Variants in PALD1 observed in about 807,000 individuals in gnomAD.
The protein encoded by PALD1 is paladin.
PALD1 carries 57 observed loss-of-function variants against 96.0 expected under a neutral mutation model. The ratio of observed to expected loss-of-function variants is 0.59; its 90% CI spans 0.48 to 0.74. The LOEUF is 0.74. PALD1 is among the 30% of genes least tolerant of loss of function. The pLI is 0.00. For missense variants in PALD1, 1,063 were observed against 1,143.7 expected, an observed-to-expected ratio of 0.93 and a Z score of 1.02; for synonymous variants, 464 against 473.6, an observed-to-expected ratio of 0.98 and a Z score of 0.26.
chr10:70,553,262 G>T (rs1281416961), intron 18 of PALD1, among the ~76,000 whole-genome samples: 1 of 152,222 alleles, frequency 6.6e-6, no homozygotes, highest in Non-Finnish European at 1.5e-5. Context: ...TTCCATGTTT[G>T]CTGTTTCCTT....
chr10:70,532,540 C>T, intron 5 of PALD1, 81 bp from the exon 6 acceptor site: 3 of 1,435,214 alleles, frequency 2.1e-6, no homozygotes, highest in Non-Finnish European at 2.9e-6. Context: ...ATGGTCTGGT[C>T]ACTCCAGAGC....
the PALD1 span, among the ~76,000 whole-genome samples, chr10:70,473,565 G>A: frequency 6.6e-6 from 1 of 152,274 alleles, no homozygotes; most frequent in African/African-American, 2.4e-5. Context: ...CATGAAGGCA[G>A]GAACTTGTCT....
intron 18 of PALD1, among the ~76,000 whole-genome samples, chr10:70,563,239 C>T (rs1259014067): frequency 2.6e-5 from 4 of 152,140 alleles, no homozygotes; most frequent in Non-Finnish European, 5.9e-5. Flanking sequence ...TAGATCCAGC[C>T]CAGCTCCCCG....
At position 70,540,294 on chromosome 10, in the gene PALD1, T is replaced by C. The variant is rs1847215540; in HGVS notation, c.1908+532T>C. On this transcript the variant is annotated intron_variant, in intron 15 of 19. Coordinates refer to ENST00000263563, the MANE Select transcript of PALD1 (RefSeq NM_014431.3). This position sits in a 1 kb window ranked among gnomAD's most constrained non-coding sequence, Gnocchi z 4.2. ...GTGGGTGGTGTGTGGAATGTGTGTG[T>C]GTGTGCATGTCTTTTTATGGAGTTT... 6.6e-6 allele frequency among the ~76,000 whole-genome samples: 1 copy of C among 151,862 alleles called. No individual in the cohort carries two copies. The highest frequency in any genetic ancestry group is 1.5e-5 in the Non-Finnish European group (1 of 67,890).
intron 1 of PALD1, among the ~76,000 whole-genome samples, chr10:70,489,926 T>G (rs545302691): frequency 6.6e-6 from 1 of 152,190 alleles, no homozygotes; most frequent in East Asian, 1.9e-4. Context: ...TCCCTCTCTC[T>G]CTCTTTTTTT....
chr10:70,518,750 G>A (rs1480344376), intron 1 of PALD1, among the ~76,000 whole-genome samples: 1 of 152,190 alleles, frequency 6.6e-6, no homozygotes, highest in Non-Finnish European at 1.5e-5. Flanking sequence ...CCCTCCTGGT[G>A]TACCCCTCTC....
rs1466992885 is a variant in PALD1 at position 70,566,723 on chromosome 10, A to T, written c.2561A>T (p.Asp854Val). The change falls in exon 20 of 20, where the codon GAC becomes GTC. Residue 854 changes from aspartate to valine, a missense_variant. Physicochemically the swap from Asp to Val is radical, Grantham distance 152. Transcript: ENST00000263563. ...AGCCTCGAGCCCTCTGCCCCCGAGG[A>T]CTTGCTGTAGGGGGCCTTACTCCCT... is the stretch of plus-strand genomic sequence containing the variant. Reference protein sequence around the residue: ...SCSLEPSAPEDLL With the variant: ...SCSLEPSAPEVLL The T allele has an allele frequency of 6.3e-7, 1 of 1,595,446 alleles. No homozygotes were observed. Among genetic ancestry groups the T allele is most frequent in the East Asian group, 2.3e-5 (1 of 44,422 alleles).
chr10:70,526,360 C>A (rs1846867591), intron 2 of PALD1, among the ~76,000 whole-genome samples: 1 of 151,976 alleles, frequency 6.6e-6, no homozygotes, highest in South Asian at 2.1e-4. Flanking sequence ...ATGCTACTCA[C>A]CACGTCCACA....
At chr10:70,534,565 AG>A in intron 9 of PALD1, 41 bp downstream of exon 9, 1 of 1,443,188 alleles carries the variant, frequency 6.9e-7, no homozygotes, top group Non-Finnish European at 9.7e-7. Flanking sequence ...GGGGTGGTGG[AG>A]GGGACGGTCA....
the PALD1 span, among the ~76,000 whole-genome samples, chr10:70,470,755 C>T: frequency 1.1e-4 from 16 of 150,096 alleles, no homozygotes; most frequent in Non-Finnish European, 1.3e-4. Context: ...ACTACAGGCA[C>T]GCACCACCAC....
intron 2 of PALD1, 126 bp downstream of exon 2, chr10:70,526,262 A>G (rs770291804): frequency 2.6e-4 from 188 of 724,448 alleles, no homozygotes; most frequent in Non-Finnish European, 3.8e-4. Flanking sequence ...AGATGATGAC[A>G]CTGAGGCCCA....
rs745512731 is a variant in PALD1 at position 70,541,478 on chromosome 10, G to C, written c.2065G>C (p.Gly689Arg). The change falls in exon 17 of 20, where the codon GGT becomes CGT. Residue 689 changes from glycine to arginine, a missense_variant. Physicochemically the swap from Gly to Arg is moderately radical, Grantham distance 125. Coordinates refer to ENST00000263563, the MANE Select transcript of PALD1 (RefSeq NM_014431.3). ...FWHIQGFPEV[G>R]EEELVSVPDA... ...CTTCCCTCAGGGCTTCCCCGAGGTG[G>C]GTGAGGAGGAGCTCGTGAGTGTGCC... The C allele has an allele frequency of 6.2e-7, 1 of 1,613,754 alleles. No individual in the cohort carries two copies. Among genetic ancestry groups the C allele is most frequent in the African/African-American group, 1.3e-5 (1 of 74,894 alleles).
intron 1 of PALD1, among the ~76,000 whole-genome samples, chr10:70,499,681 G>A (rs1052256707): frequency 6.6e-5 from 10 of 152,132 alleles, no homozygotes; most frequent in East Asian, 5.8e-4. Context: ...GTGGTGGAGT[G>A]CTTGCTCCCC....
At chr10:70,478,166 G>A (rs1464500242), upstream of PALD1, among the ~76,000 whole-genome samples, 1 of 152,204 alleles carries the variant, frequency 6.6e-6, no homozygotes, top group Non-Finnish European at 1.5e-5. Flanking sequence ...GGGGGCCGAG[G>A]GGCGCGTTTC....
chr10:70,534,595 G>A, intron 9 of PALD1, 71 bp downstream of exon 9: 2 of 1,239,276 alleles, frequency 1.6e-6, no homozygotes, highest in Non-Finnish European at 2.3e-6. Context: ...ACTGGTCGGG[G>A]CTCTCTTCCT....
chr10:70,556,130 A>G lies in PALD1; in HGVS notation c.2263-8234A>G, dbSNP rs546811151. Among the ~76,000 whole-genome samples the G allele has an allele frequency of 7.9e-5, 12 of 152,204 alleles. No individual in the cohort carries two copies. The South Asian group carries it at 1.9e-3, about 24-fold the overall frequency. ...CCTGCAGTGCTATGAGCTGTCACAT[A>G]AAATAGAACCCAAGCAAAGGCTGCT... On this transcript the variant is annotated intron_variant, in intron 18 of 19. Transcript: ENST00000263563.
At position 70,525,962 on chromosome 10, in the gene PALD1, C is replaced by T. The variant is rs746010656; in HGVS notation, c.11C>T (p.Thr4Met). 8.7e-6 allele frequency: 14 copies of T among 1,614,098 alleles called. No individual in the cohort carries two copies. The highest frequency in any genetic ancestry group is 5.5e-5 in the South Asian group (5 of 91,082). Residue 4 changes from threonine (T) to methionine (M), a missense_variant, in exon 2 of 20, where the codon ACG becomes ATG. By Grantham distance (81) the Thr-to-Met change is moderately conservative. Transcript: ENST00000263563. MGT[T>M]ASTAQQTVSA... ...GGCTGCTGGCAGACTATGGGTACAA[C>T]GGCCAGCACAGCCCAGCAGACGGTC...
chr10:70,491,967 C>T (rs900543103), intron 1 of PALD1, among the ~76,000 whole-genome samples: 1 of 152,160 alleles, frequency 6.6e-6, no homozygotes. Flanking sequence ...TATGGATAGG[C>T]CGCACTTTGT....
the PALD1 span, among the ~76,000 whole-genome samples, chr10:70,460,922 G>A: frequency 1.3e-5 from 2 of 152,208 alleles, no homozygotes; most frequent in Admixed American, 6.5e-5. Flanking sequence ...GGGCGTGGTG[G>A]CATGCGCCTG....
Sources: allele counts gnomAD v4.1 joint callset (sites outside exome capture counted in the v4.1 genomes callset), GRCh38; gene constraint gnomAD v4.1.1; non-coding constraint Gnocchi (gnomAD v3.1); transcripts MANE v1.5; gene names NCBI Gene and HGNC (gene_info 2026-07-23, HGNC 2026-07-21).